The following SLC22A3 variants were observed in gnomAD, a reference collection of about 807,000 sequenced individuals.
SLC22A3 encodes the protein EMT organic cation transporter 3.
SLC22A3 carries 51 observed loss-of-function variants against 59.1 expected under a neutral mutation model. The observed-to-expected ratio is 0.86, with a 90% CI of 0.69 to 1.09. SLC22A3 has a LOEUF of 1.09. Ranked by LOEUF, SLC22A3 falls within the 50% of genes least tolerant of loss-of-function variation. The pLI is 0.00. For missense variants in SLC22A3, 711 were observed against 726.3 expected (o/e 0.98, Z 0.24); for synonymous variants, 325 against 292.0 (o/e 1.11, Z -1.15).
intron 5 of SLC22A3, among the ~76,000 whole-genome samples, chr6:160,429,241 C>T (rs3106164): frequency 0.25 from 37,883 of 152,138 alleles, 5,921 homozygotes; most frequent in Non-Finnish European, 0.35. Context: ...AGAGCAGAGC[C>T]TTTAGGGAAC....
chr6:160,441,437 C>A (rs1193167210), intron 7 of SLC22A3, among the ~76,000 whole-genome samples: 1 of 152,158 alleles, frequency 6.6e-6, no homozygotes. Context: ...GTTAACGTGA[C>A]AGCTACAAGG....
chr6:160,427,046 A>G (rs1787987490), intron 5 of SLC22A3, among the ~76,000 whole-genome samples: 1 of 152,126 alleles, frequency 6.6e-6, no homozygotes, highest in South Asian at 2.1e-4. Flanking sequence ...AGCACTTGGA[A>G]AACAGAAGAA....
At chr6:160,420,749 G>A (rs529284872) in intron 5 of SLC22A3, among the ~76,000 whole-genome samples, 5 of 152,304 alleles carry the variant, frequency 3.3e-5, no homozygotes, top group African/African-American at 1.2e-4. Flanking sequence ...CCCCAGTTAT[G>A]CTCAGAGGAA....
chr6:160,412,119 T>C (rs924992306), intron 5 of SLC22A3, among the ~76,000 whole-genome samples: 3 of 152,136 alleles, frequency 2.0e-5, no homozygotes, highest in Non-Finnish European at 4.4e-5. Context: ...CCCAGCACTT[T>C]GGGAGGCCAA....
At chr6:160,394,088 C>A (rs891713532) in intron 1 of SLC22A3, among the ~76,000 whole-genome samples, 1 of 152,198 alleles carries the variant, frequency 6.6e-6, no homozygotes, top group Admixed American at 6.5e-5. Context: ...AATGGGTACA[C>A]ATGGATTTAT....
intron 1 of SLC22A3, among the ~76,000 whole-genome samples, chr6:160,363,404 T>C (rs1175374630): frequency 6.6e-6 from 1 of 152,102 alleles, no homozygotes; most frequent in Non-Finnish European, 1.5e-5. Flanking sequence ...TGCCCCTCTT[T>C]GGGGGCTAGA....
At chr6:160,416,465 T>TAAA (rs201190049) in intron 5 of SLC22A3, among the ~76,000 whole-genome samples, 22 of 142,350 alleles carry the variant, frequency 1.5e-4, no homozygotes, top group African/African-American at 4.6e-4. Context: ...AAGGCTTACT[T>TAAA]AAAAAAAAAA....
chr6:160,382,541 A>C (rs1785835922), intron 1 of SLC22A3, among the ~76,000 whole-genome samples: 1 of 152,208 alleles, frequency 6.6e-6, no homozygotes, highest in South Asian at 2.1e-4. Flanking sequence ...GCCAATGATC[A>C]CCAGGAGAGC....
At chr6:160,350,084 A>G (rs1019256832) in intron 1 of SLC22A3, among the ~76,000 whole-genome samples, 4 of 151,196 alleles carry the variant, frequency 2.6e-5, no homozygotes, top group South Asian at 2.1e-4. Flanking sequence ...GCTCTATGCT[A>G]TGTGCTCCAG....
chr6:160,398,071 T>C lies in SLC22A3; in HGVS notation c.522T>C (p.Tyr174=), dbSNP rs769711025. 2.2e-5 allele frequency: 35 copies of C among 1,613,298 alleles called. 1 individual carries two copies. The South Asian group carries it at 3.8e-4, about 18-fold the overall frequency. The change falls in exon 2 of 11, where the codon TAT becomes TAC. Residue 174 remains tyrosine (Y), a synonymous_variant. Transcript: ENST00000275300. ...GFLTGAFTLG[Y]AADRYGRIVI... ...TGACTGGAGCATTCACCTTAGGCTA[T>C]GCAGCAGACAGGTAGGTACCAATGT...
At chr6:160,373,610 T>C (rs1785479398) in intron 1 of SLC22A3, among the ~76,000 whole-genome samples, 1 of 152,206 alleles carries the variant, frequency 6.6e-6, no homozygotes, top group Admixed American at 6.5e-5. Context: ...TGCCCACAGC[T>C]GCCCCTTCCT....
chr6:160,353,500 C>T (rs557852663), intron 1 of SLC22A3, among the ~76,000 whole-genome samples: 2 of 152,188 alleles, frequency 1.3e-5, no homozygotes, highest in African/African-American at 4.8e-5. Flanking sequence ...GGGTACCACC[C>T]TCTGATGGGA....
At position 160,371,806 on chromosome 6, in the gene SLC22A3, G is replaced by A. The variant is rs144569243; in HGVS notation, c.429+22958G>A. On this transcript the variant is annotated intron_variant, in intron 1 of 10. Transcript: ENST00000275300. ...ACAATCCCACCAACAGTGTAAATGCGTTCCTATTTCTCCACATCCTCTCCA... is the reference window on the plus strand; with the variant it reads ...ACAATCCCACCAACAGTGTAAATGCATTCCTATTTCTCCACATCCTCTCCA... Among the ~76,000 whole-genome samples the A allele has an allele frequency of 2.0e-3, 310 of 152,208 alleles. 9 individuals are homozygous for A. In the South Asian group the frequency reaches 0.055, roughly 27 times the overall value.
chr6:160,429,303 T>C (rs1238911047), intron 5 of SLC22A3, among the ~76,000 whole-genome samples: 9 of 152,256 alleles, frequency 5.9e-5, no homozygotes, highest in Middle Eastern at 3.4e-3. Flanking sequence ...CAAGAGCAAA[T>C]ACGTTTTCTT....
chr6:160,443,771 C>G (rs537492341), intron 9 of SLC22A3, 29 bp downstream of exon 9: 5 of 1,354,652 alleles, frequency 3.7e-6, no homozygotes, highest in South Asian at 2.6e-5. Flanking sequence ...TTCTTAAGAG[C>G]CTTCATCTAC....
rs188851691 is a variant in SLC22A3 at position 160,401,238 on chromosome 6, A to G, written c.533+3156A>G. On this transcript the variant is annotated intron_variant, in intron 2 of 10. Coordinates refer to ENST00000275300, the MANE Select transcript of SLC22A3 (RefSeq NM_021977.4). ...AAATCAAGCAAGATAAACATAAAAA[A>G]GTATACCTAGTTATATCGTAGTCAA... 4.8e-3 allele frequency among the ~76,000 whole-genome samples: 737 copies of G among 152,208 alleles called. 8 individuals carry two copies. Among genetic ancestry groups the G allele is most frequent in the Non-Finnish European group, 8.7e-3 (590 of 67,950 alleles).
intron 1 of SLC22A3, among the ~76,000 whole-genome samples, chr6:160,355,797 C>CAAG (rs1326860121): frequency 6.6e-6 from 1 of 150,458 alleles, no homozygotes; most frequent in Non-Finnish European, 1.5e-5. Flanking sequence ...ACAACAACAA[C>CAAG]AAAAAACTTG....
Position 160,437,121 on chromosome 6 carries a change from A to T in SLC22A3, c.1198A>T (p.Thr400Ser), listed in dbSNP as rs919829164. The T allele has an allele frequency of 3.7e-6, 6 of 1,613,986 alleles. No individual in the cohort carries two copies. In the African/African-American group the frequency reaches 6.7e-5, roughly 18 times the overall value. The change falls in exon 7 of 11, where the codon ACC becomes TCC. Residue 400 changes from threonine (T) to serine (S), a missense_variant. Transcript: ENST00000275300. ...GCCAGGAGCTCTCTTGATCTTACTA[A>T]CCATTGAGCGCCTTGGACGACGCCT... ...ELPGALLILL[T>S]IERLGRRLPF...
Position 160,452,076 on chromosome 6 carries a change from CT to C in SLC22A3, c.*1023del, listed in dbSNP as rs1788989580. 1 of 152,144 alleles carries C rather than the reference CT, an allele frequency of 6.6e-6. No individual in the cohort carries two copies. Among genetic ancestry groups the C allele is most frequent in the South Asian group, 2.1e-4 (1 of 4,820 alleles). 9.4% of individuals were successfully genotyped at this position (152,144 alleles called of 1,614,324 possible). ...CCATGCTTAACAGGATCAGCAGGAG[CT>C]TTATAAATGACTTTACAGAGACTAA... On this transcript the variant is annotated 3_prime_UTR_variant, in exon 11 of 11. Coordinates refer to ENST00000275300, the MANE Select transcript of SLC22A3 (RefSeq NM_021977.4).
Sources: gnomAD v4.1 joint callset for allele counts (sites outside exome capture counted in the v4.1 genomes callset) on GRCh38, gnomAD v4.1.1 for gene constraint, MANE v1.5 for transcripts, NCBI Gene and HGNC (gene_info 2026-07-23, HGNC 2026-07-21) for gene names.